CMSS1: variants seen among roughly 807,000 people sequenced by gnomAD.
The protein encoded by CMSS1 is cms1 ribosomal small subunit homolog.
A neutral mutation model predicts 43.5 loss-of-function variants in CMSS1; 33 were observed. The observed-to-expected ratio is 0.76, with a 90% CI of 0.57 to 1.01. CMSS1 has a LOEUF of 1.01. CMSS1 is among the 50% of genes least tolerant of loss of function. CMSS1 has a pLI of 0.00. For missense variants in CMSS1, 313 were observed against 326.4 expected (o/e 0.96, Z 0.32); for synonymous variants, 115 against 117.2 (o/e 0.98, Z 0.12).
intron 1 of CMSS1, among the ~76,000 whole-genome samples, chr3:99,954,898 G>C (rs1426380271): frequency 3.9e-5 from 6 of 152,122 alleles, no homozygotes; most frequent in African/African-American, 1.4e-4. Flanking sequence ...TAATTGAAGT[G>C]CTAAGCACCA....
intron 1 of CMSS1, among the ~76,000 whole-genome samples, chr3:99,977,730 T>A (rs1354589089): frequency 6.6e-6 from 1 of 152,182 alleles, no homozygotes; most frequent in Admixed American, 6.5e-5. Flanking sequence ...ATCATTTGGA[T>A]GGAGCATGAC....
chr3:99,884,823 G>GAAATC (rs1705841271), intron 1 of CMSS1, among the ~76,000 whole-genome samples: 3 of 152,190 alleles, frequency 2.0e-5, no homozygotes, highest in Non-Finnish European at 1.5e-5. Flanking sequence ...CTGTTTACAG[G>GAAATC]TATAGATTTT....
chr3:99,890,841 G>A (rs1706061326), intron 1 of CMSS1, among the ~76,000 whole-genome samples: 1 of 151,174 alleles, frequency 6.6e-6, no homozygotes, highest in Non-Finnish European at 1.5e-5. Context: ...TTCAATAATT[G>A]TATATTATTT....
intron 1 of CMSS1, among the ~76,000 whole-genome samples, chr3:99,888,600 C>T (rs1705983483): frequency 2.0e-5 from 3 of 152,146 alleles, no homozygotes; most frequent in Admixed American, 2.0e-4. Flanking sequence ...GAGAGAGGCT[C>T]TTTATGTTTT....
intron 1 of CMSS1, among the ~76,000 whole-genome samples, chr3:99,973,786 C>G (rs1708891004): frequency 6.6e-6 from 1 of 152,206 alleles, no homozygotes; most frequent in Admixed American, 6.5e-5. Flanking sequence ...GATTGGGATG[C>G]AGGTATCATG....
intron 1 of CMSS1, among the ~76,000 whole-genome samples, chr3:100,062,277 A>AT (rs1193369102): frequency 1.3e-5 from 2 of 151,006 alleles, no homozygotes; most frequent in African/African-American, 4.9e-5. Context: ...ACGCCCAGCT[A>AT]TTTTTTTGTA....
intron 1 of CMSS1, among the ~76,000 whole-genome samples, chr3:100,056,051 A>G (rs769898433): frequency 3.9e-5 from 6 of 152,216 alleles, no homozygotes; most frequent in South Asian, 4.1e-4. Flanking sequence ...AAGAAGATTC[A>G]TATTTGCTCA....
intron 1 of CMSS1, chr3:100,039,778 G>GAC (rs1166558968): frequency 6.7e-6 from 1 of 150,098 alleles, no homozygotes; most frequent in Non-Finnish European, 1.5e-5. Context: ...TTTTGAGATG[G>GAC]AGTCTTGTTC....
At chr3:100,096,899 T>A (rs2066219591) in intron 1 of CMSS1, among the ~76,000 whole-genome samples, 1 of 152,142 alleles carries the variant, frequency 6.6e-6, no homozygotes, top group South Asian at 2.1e-4. Context: ...ACACCTACTA[T>A]GTACCCACAA....
At chr3:100,113,981 G>T (rs1435271180) in intron 1 of CMSS1, 2 of 152,020 alleles carry the variant, frequency 1.3e-5, no homozygotes, top group South Asian at 4.2e-4. Context: ...GGTGTTGGCC[G>T]CTCCTAGCTG....
At chr3:99,879,996 A>G (rs937867025) in intron 1 of CMSS1, among the ~76,000 whole-genome samples, 7 of 152,088 alleles carry the variant, frequency 4.6e-5, no homozygotes, top group African/African-American at 1.7e-4. Context: ...CACCTTACCC[A>G]CAGCCTTCTT....
chr3:100,068,512 T>A (rs1327770358), intron 1 of CMSS1, among the ~76,000 whole-genome samples: 1 of 152,238 alleles, frequency 6.6e-6, no homozygotes, highest in Non-Finnish European at 1.5e-5. Flanking sequence ...GCTATAGGAA[T>A]ATTAATGTTG....
intron 1 of CMSS1, among the ~76,000 whole-genome samples, chr3:99,983,462 G>A (rs9879663): frequency 0.067 from 779 of 11,666 alleles, 44 homozygotes; most frequent in African/African-American, 0.15. Context: ...ATATATATGT[G>A]TGTATATATA....
rs1708496942 is a variant in CMSS1, at chr3:99,961,709, A to AT, written c.64+143672dup. On this transcript the variant is annotated intron_variant, in intron 1 of 9. Coordinates refer to ENST00000421999, the MANE Select transcript of CMSS1 (RefSeq NM_032359.4). ...TTATAAGTGATTTAGTCTAAAAAAA[A>AT]TTTTTTAAGAATATTCTTCTCCTTC... 5.9e-5 allele frequency among the ~76,000 whole-genome samples: 9 copies of AT among 152,266 alleles called. No individual in the cohort carries two copies. The South Asian group carries it at 1.9e-3, about 32-fold the overall frequency.
intron 1 of CMSS1, chr3:99,848,609 T>C (rs757544873): frequency 1.2e-6 from 2 of 1,614,174 alleles, no homozygotes; most frequent in Non-Finnish European, 1.7e-6. Context: ...CTGATTTCTG[T>C]TGGTTCTGGG....
At chr3:100,134,203 T>TA (rs1312101880) in intron 1 of CMSS1, among the ~76,000 whole-genome samples, 12 of 152,158 alleles carry the variant, frequency 7.9e-5, no homozygotes, top group South Asian at 2.1e-4. Flanking sequence ...TTTTTAATGT[T>TA]ACCCTATTCC....
intron 2 of CMSS1, among the ~76,000 whole-genome samples, chr3:100,154,597 T>C (rs1379264410): frequency 6.6e-6 from 1 of 152,242 alleles, no homozygotes; most frequent in African/African-American, 2.4e-5. Flanking sequence ...TTTATCTTTA[T>C]AATGAACATG....
intron 1 of CMSS1, among the ~76,000 whole-genome samples, chr3:100,005,011 CA>C (rs1201247793): frequency 6.6e-6 from 1 of 152,160 alleles, no homozygotes; most frequent in Non-Finnish European, 1.5e-5. Flanking sequence ...GCTGGCTCTA[CA>C]AGGCTGTCAT....
intron 1 of CMSS1, among the ~76,000 whole-genome samples, chr3:100,100,898 A>G (rs1268836135): frequency 6.6e-6 from 1 of 152,186 alleles, no homozygotes; most frequent in South Asian, 2.1e-4. Flanking sequence ...TGATTCTTCC[A>G]TTCCTGGTGG....
Sources: allele counts gnomAD v4.1 joint callset (sites outside exome capture counted in the v4.1 genomes callset), GRCh38; gene constraint gnomAD v4.1.1; transcripts MANE v1.5; gene names NCBI Gene and HGNC (gene_info 2026-07-23, HGNC 2026-07-21).